SLC20A2: variants seen among roughly 807,000 people sequenced by gnomAD.
SLC20A2 encodes sodium-dependent phosphate transporter 2.
Under a neutral mutation model 61.0 loss-of-function variants are expected in SLC20A2, and 30 were observed. The observed-to-expected ratio is 0.49, with a 90% CI of 0.37 to 0.67. The LOEUF (loss-of-function observed/expected upper bound fraction) is 0.67, where lower values mean the gene tolerates loss of function less well. Among genes scored for constraint, SLC20A2 ranks in the 30% least tolerant of loss-of-function variants. SLC20A2 has a pLI of 0.00. For missense variants in SLC20A2, 626 were observed against 866.4 expected, an observed-to-expected ratio of 0.72 and a Z score of 3.48; for synonymous variants, 351 against 353.3, an observed-to-expected ratio of 0.99 and a Z score of 0.07.
intron 1 of SLC20A2, among the ~76,000 whole-genome samples, chr8:42,491,359 G>T (rs920226718): frequency 1.3e-5 from 2 of 152,128 alleles, no homozygotes; most frequent in African/African-American, 4.8e-5. Flanking sequence ...AAAAAAATTT[G>T]CCAGGCATGG....
At chr8:42,520,662 C>G (rs1811590032) in intron 1 of SLC20A2, among the ~76,000 whole-genome samples, 3 of 116,248 alleles carry the variant, frequency 2.6e-5, no homozygotes, top group South Asian at 3.2e-4. Flanking sequence ...GGAGGCGGAG[C>G]TTGCAGTGAG....
intron 1 of SLC20A2, among the ~76,000 whole-genome samples, chr8:42,475,681 G>A (rs1808026595): frequency 6.6e-6 from 1 of 152,036 alleles, no homozygotes; most frequent in Non-Finnish European, 1.5e-5. Flanking sequence ...AAAGTGCTGG[G>A]ATTACAGGCG....
chr8:42,517,606 A>G (rs1030051835), intron 1 of SLC20A2, among the ~76,000 whole-genome samples: 1 of 152,160 alleles, frequency 6.6e-6, no homozygotes, highest in Admixed American at 6.5e-5. Context: ...ATGGACCTCC[A>G]TGAAGCCCAC....
intron 8 of SLC20A2, among the ~76,000 whole-genome samples, chr8:42,431,506 C>T (rs1389779373): frequency 1.3e-5 from 2 of 152,242 alleles, no homozygotes; most frequent in African/African-American, 2.4e-5. Flanking sequence ...GTAGCAAGTG[C>T]TGATGGAGAA....
intron 5 of SLC20A2, among the ~76,000 whole-genome samples, chr8:42,450,195 T>A (rs906635543): frequency 7.3e-5 from 11 of 151,310 alleles, no homozygotes; most frequent in South Asian, 2.1e-4. Flanking sequence ...ATATATATAT[T>A]TTTTGCACAT....
chr8:42,419,395 C>A (rs1269350148), intron 10 of SLC20A2, among the ~76,000 whole-genome samples: 2 of 151,934 alleles, frequency 1.3e-5, no homozygotes, highest in African/African-American at 4.8e-5. Flanking sequence ...CATGGTGAAA[C>A]CCTGTCTCTA....
At position 42,434,148 on chromosome 8, in the gene SLC20A2, G is replaced by A. The variant is rs139907695; in HGVS notation, c.1523+2841C>T. On this transcript the variant is annotated intron_variant, in intron 8 of 10. Transcript: ENST00000520262. The stretch of plus-strand genomic sequence containing the variant: ...TCTCACCAGGCTGGAGTGCAGTGGT[G>A]TAATTTCGGCTCACTGCAACCTCCG... Among the ~76,000 whole-genome samples, 391 of 149,646 alleles carry A rather than the reference G, an allele frequency of 2.6e-3. 3 individuals carry two copies. The highest frequency in any genetic ancestry group is 9.3e-3 in the African/African-American group (380 of 40,700).
At chr8:42,536,904 T>A (rs1812739534) in intron 1 of SLC20A2, among the ~76,000 whole-genome samples, 1 of 152,080 alleles carries the variant, frequency 6.6e-6, no homozygotes, top group African/African-American at 2.4e-5. Context: ...TGAAACCCCG[T>A]CTTCTACTAA....
At chr8:42,443,136 C>A (rs1374697358) in intron 6 of SLC20A2, among the ~76,000 whole-genome samples, 3 of 148,502 alleles carry the variant, frequency 2.0e-5, no homozygotes, top group Non-Finnish European at 4.5e-5. Flanking sequence ...TATAATAATA[C>A]AATTATTATA....
intron 1 of SLC20A2, among the ~76,000 whole-genome samples, chr8:42,509,773 A>G (rs918640576): frequency 1.3e-5 from 2 of 152,032 alleles, no homozygotes; most frequent in Admixed American, 6.6e-5. Flanking sequence ...AAACAAAACA[A>G]AACAAAAAGA....
At position 42,456,718 on chromosome 8, in the gene SLC20A2, C is replaced by T. The variant is rs112418459; in HGVS notation, c.613+3178G>A. Among the ~76,000 whole-genome samples the T allele has an allele frequency of 1.6e-3, 216 of 137,074 alleles. 2 individuals carry two copies. Among genetic ancestry groups the T allele is most frequent in the African/African-American group, 5.6e-3 (203 of 36,150 alleles). The allele number at this position is 137,074 out of a possible 152,430, so 89.9% of individuals were successfully genotyped here. A position where few individuals can be genotyped will look rare whatever the true frequency, so the allele number is the denominator to read the frequency against. On this transcript the variant is annotated intron_variant, in intron 5 of 10. Coordinates refer to ENST00000520262, the MANE Select transcript of SLC20A2 (RefSeq NM_001257180.2). Reference sequence around the variant, plus strand: ...TTGCACTCCAGCCCGGGAGACAGTACGAGACTCTGTCTCAAAAAAAAAAAA... The same window carrying T: ...TTGCACTCCAGCCCGGGAGACAGTATGAGACTCTGTCTCAAAAAAAAAAAA...
At chr8:42,519,889 T>C (rs897032408) in intron 1 of SLC20A2, among the ~76,000 whole-genome samples, 1 of 152,106 alleles carries the variant, frequency 6.6e-6, no homozygotes, top group African/African-American at 2.4e-5. Context: ...ATAAAACATA[T>C]TAGGACCCCA....
At chr8:42,501,273 A>G (rs899485047), upstream of SLC20A2, 1 of 152,198 alleles carries the variant, frequency 6.6e-6, no homozygotes, top group Non-Finnish European at 1.5e-5. Flanking sequence ...CTAGGACAAC[A>G]TCGGTGTCCT....
chr8:42,494,434 T>C (rs1457310356), intron 1 of SLC20A2, among the ~76,000 whole-genome samples: 1 of 152,160 alleles, frequency 6.6e-6, no homozygotes, highest in African/African-American at 2.4e-5. Flanking sequence ...AAAATTAACA[T>C]ACAGGTAACC....
chr8:42,437,379 C>T lies in SLC20A2; in HGVS notation c.1133G>A (p.Arg378Gln), dbSNP rs1055093172. The stretch of plus-strand genomic sequence containing the variant: ...GTAACTGTTGTTTCGGCGCAGCAGC[C>T]GGTAGTTGCTTTCCTGGGCTGGCTT... ...EEKPAQESNY[R>Q]LLRRNNSYTC... The change falls in exon 8 of 11, where the codon CGG (arginine) becomes CAG (glutamine). Residue 378 changes from arginine to glutamine, a missense_variant. Transcript: ENST00000520262. The surrounding 1 kb of genome is among the most constrained non-coding windows in gnomAD (Gnocchi z 6.4). 2 of 1,614,134 alleles carry T rather than the reference C, an allele frequency of 1.2e-6. No homozygotes were observed. The highest frequency in any genetic ancestry group is 2.2e-5 in the East Asian group (1 of 44,866).
chr8:42,453,516 C>G (rs1206581293), intron 5 of SLC20A2, among the ~76,000 whole-genome samples: 4 of 152,116 alleles, frequency 2.6e-5, no homozygotes, highest in African/African-American at 9.7e-5. Context: ...AAAACACGAA[C>G]TAGGACACCA....
At chr8:42,485,466 A>C (rs1476687408) in intron 1 of SLC20A2, among the ~76,000 whole-genome samples, 1 of 151,422 alleles carries the variant, frequency 6.6e-6, no homozygotes, top group Non-Finnish European at 1.5e-5. Context: ...ACATGGTGAA[A>C]CCTCATCTCT....
intron 2 of SLC20A2, among the ~76,000 whole-genome samples, chr8:42,466,349 G>T (rs979981857): frequency 7.9e-5 from 12 of 152,182 alleles, no homozygotes; most frequent in African/African-American, 2.9e-4. Context: ...GCCTCCCAAA[G>T]TGCTGGGATT....
chr8:42,507,104 C>T (rs565669593), intron 1 of SLC20A2, among the ~76,000 whole-genome samples: 1 of 152,286 alleles, frequency 6.6e-6, no homozygotes, highest in South Asian at 2.1e-4. Flanking sequence ...AAAGTCCAGC[C>T]AGGCTTGCTC....
Sources: allele counts gnomAD v4.1 joint callset (sites outside exome capture counted in the v4.1 genomes callset), GRCh38; gene constraint gnomAD v4.1.1; non-coding constraint Gnocchi (gnomAD v3.1); transcripts MANE v1.5; gene names NCBI Gene and HGNC (gene_info 2026-07-23, HGNC 2026-07-21).